The following ONECUT2 variants were observed in gnomAD, a reference collection of about 807,000 sequenced individuals.
ONECUT2 encodes the protein one cut domain family member 2.
Under a neutral mutation model 27.9 loss-of-function variants are expected in ONECUT2, and 10 were observed. That is an observed-to-expected ratio of 0.36 (90% CI 0.22 to 0.61). ONECUT2 has a LOEUF of 0.61. ONECUT2 is among the 20% of genes least tolerant of loss of function. The pLI is 0.73. For missense variants in ONECUT2, 686 were observed against 721.0 expected (o/e 0.95, Z 0.56); for synonymous variants, 334 against 315.1 (o/e 1.06, Z -0.64).
Position 57,436,962 on chromosome 18 carries a change from C to T in ONECUT2, c.1228+18C>T. 6.4e-7 allele frequency: 1 copy of T among 1,560,616 alleles called. No individual in the cohort carries two copies. The highest frequency in any genetic ancestry group is 8.7e-7 in the Non-Finnish European group (1 of 1,153,392). On this transcript the variant is annotated intron_variant, in intron 1 of 1. Coordinates refer to ENST00000491143, the MANE Select transcript of ONECUT2 (RefSeq NM_004852.3). The surrounding 1 kb of genome is among the most constrained non-coding windows in gnomAD (Gnocchi z 5.9). ...CCTGGCAGGTAAGGCCGGGGCTAGC[C>T]AGGGGCCAGGCTGCTGGGAAGAGGG...
At chr18:57,463,299 G>A (rs2050303211) in intron 1 of ONECUT2, among the ~76,000 whole-genome samples, 1 of 152,182 alleles carries the variant, frequency 6.6e-6, no homozygotes, top group Non-Finnish European at 1.5e-5. Context: ...GTCTGGAGTT[G>A]TATGTCCTTG....
chr18:57,439,801 G>A lies in ONECUT2; in HGVS notation c.1228+2857G>A, dbSNP rs1053959509. 1.9e-4 allele frequency among the ~76,000 whole-genome samples: 29 copies of A among 152,074 alleles called. 1 individual carries two copies. The highest frequency in any genetic ancestry group is 1.9e-3 in the Admixed American group (29 of 15,272). On this transcript the variant is annotated intron_variant, in intron 1 of 1. Transcript: ENST00000491143. ...AAGACACCGTCCCTGCCCCCCTCCC[G>A]CCAAACCTGCCTCTTCTCTTTCTCT...
intron 1 of ONECUT2, among the ~76,000 whole-genome samples, chr18:57,458,664 A>G (rs2122126081): frequency 6.6e-6 from 1 of 152,102 alleles, no homozygotes; most frequent in Non-Finnish European, 1.5e-5. Flanking sequence ...TGTTTGCATT[A>G]TTTGCTAAGC....
At chr18:57,438,825 TA>T (rs201857562) in intron 1 of ONECUT2, among the ~76,000 whole-genome samples, 7,825 of 152,274 alleles carry the variant, frequency 0.051, 370 homozygotes, top group South Asian at 0.13. Context: ...CGGGGCAAGA[TA>T]AAGCAGCCAG....
At chr18:57,463,908 T>C (rs2050306195) in intron 1 of ONECUT2, among the ~76,000 whole-genome samples, 2 of 152,178 alleles carry the variant, frequency 1.3e-5, no homozygotes. Flanking sequence ...ATGTTCATCT[T>C]GAAACTGGCC....
chr18:57,453,616 AG>A (rs1394865801), intron 1 of ONECUT2, among the ~76,000 whole-genome samples: 1 of 152,306 alleles, frequency 6.6e-6, no homozygotes, highest in Non-Finnish European at 1.5e-5. Context: ...ATGGTTTTGC[AG>A]GCTGGTTTAT....
chr18:57,436,116 T>A lies in ONECUT2; in HGVS notation c.400T>A (p.Ser134Thr), dbSNP rs532484976. 5 of 1,601,456 alleles carry A rather than the reference T, an allele frequency of 3.1e-6. No homozygotes were observed. In the African/African-American group the frequency reaches 6.7e-5, roughly 21 times the overall value. Reference sequence around the variant, plus strand: ...CCCGCTGCACCACGCCATGAGCATGTCCTGCGACTCGTCTCCGCCTGGCAT... The same window carrying A: ...CCCGCTGCACCACGCCATGAGCATGACCTGCGACTCGTCTCCGCCTGGCAT... ...SIPLHHAMSM[S>T]CDSSPPGMGM... The change falls in exon 1 of 2, where the codon TCC becomes ACC. Residue 134 changes from serine to threonine, a missense_variant. Around this residue, in one of 4 missense-constraint regions of ONECUT2, gnomAD observed 511 missense variants for 488.1 expected, o/e 1.05. Transcript: ENST00000491143. This position sits in a 1 kb window ranked among gnomAD's most constrained non-coding sequence, Gnocchi z 5.9.
intron 1 of ONECUT2, among the ~76,000 whole-genome samples, chr18:57,438,340 C>T (rs1032964860): frequency 1.3e-5 from 2 of 152,152 alleles, no homozygotes; most frequent in African/African-American, 2.4e-5. Context: ...GATCGGCGGG[C>T]GGTCTAGGGG....
At chr18:57,471,488 G>A (rs563521789) in intron 1 of ONECUT2, among the ~76,000 whole-genome samples, 15 of 152,328 alleles carry the variant, frequency 9.8e-5, no homozygotes, top group African/African-American at 3.4e-4. Flanking sequence ...CTCCTGAGGG[G>A]CAAAAATCCA....
At chr18:57,459,040 A>G (rs1362502425) in intron 1 of ONECUT2, among the ~76,000 whole-genome samples, 1 of 152,160 alleles carries the variant, frequency 6.6e-6, no homozygotes, top group African/African-American at 2.4e-5. Context: ...TCCTGTTCAT[A>G]TCCTTGTTTG....
chr18:57,455,762 G>A (rs1300760649), intron 1 of ONECUT2, among the ~76,000 whole-genome samples: 2 of 152,146 alleles, frequency 1.3e-5, no homozygotes, highest in Non-Finnish European at 2.9e-5. Flanking sequence ...CTCCGGAGGG[G>A]TCTAGGGAAA....
Position 57,462,723 on chromosome 18 carries a change from CTTTTTTTTTT to C in ONECUT2, c.1229-13698_1229-13689del, listed in dbSNP as rs57032206. Among the ~76,000 whole-genome samples, 139 of 69,008 alleles carry C rather than the reference CTTTTTTTTTT, an allele frequency of 2.0e-3. 1 individual carries two copies. The highest frequency in any genetic ancestry group is 8.0e-3 in the African/African-American group (134 of 16,846). 45.3% of individuals were successfully genotyped at this position (69,008 alleles called of 152,430 possible). ...AGAATTACCCTATGTTATTTTCTTT[CTTTTTTTTTT>C]TTTTTTTTTTTTTTTGAGACAGAGT... On this transcript the variant is annotated intron_variant, in intron 1 of 1. Transcript: ENST00000491143.
intron 1 of ONECUT2, among the ~76,000 whole-genome samples, chr18:57,457,759 T>C (rs987216865): frequency 1.2e-4 from 18 of 152,230 alleles, no homozygotes; most frequent in Non-Finnish European, 2.5e-4. Flanking sequence ...TAAGAAAATG[T>C]GACACATATA....
rs1360294305 is a variant in ONECUT2, at chr18:57,481,280, C to T, written c.*4557C>T. On this transcript the variant is annotated 3_prime_UTR_variant, in exon 2 of 2. Transcript: ENST00000491143. ...GCATAAAGGTGCAGGCTAGTTGAAC[C>T]AGGAAGCATGGCACTTCCTCTGGAG... 1.3e-5 allele frequency: 2 copies of T among 152,118 alleles called. No homozygotes were observed. Among genetic ancestry groups the T allele is most frequent in the African/African-American group, 2.4e-5 (1 of 41,416 alleles). The allele number at this position is 152,118 out of a possible 1,614,324, so 9.4% of individuals were successfully genotyped here. A position where few individuals can be genotyped will look rare whatever the true frequency, so the allele number is the denominator to read the frequency against.
At chr18:57,442,781 G>A (rs2050182728) in intron 1 of ONECUT2, among the ~76,000 whole-genome samples, 1 of 152,146 alleles carries the variant, frequency 6.6e-6, no homozygotes, top group African/African-American at 2.4e-5. Context: ...CTGGGCAAAG[G>A]ATAAACTGAT....
chr18:57,488,342 T>C lies in ONECUT2; in HGVS notation c.*11619T>C, dbSNP rs1198563728. 6.6e-6 allele frequency: 1 copy of C among 152,606 alleles called. No homozygotes were observed. The highest frequency in any genetic ancestry group is 1.9e-4 in the East Asian group (1 of 5,202). The allele number at this position is 152,606 out of a possible 1,614,324, so 9.5% of individuals were successfully genotyped here. On this transcript the variant is annotated 3_prime_UTR_variant, in exon 2 of 2. Transcript: ENST00000491143. The stretch of plus-strand genomic sequence containing the variant: ...ATTGATATTTGTTTCAGCAAAGTTT[T>C]CCTGACACTCACAAACCCACAAACT...
At chr18:57,471,592 A>G (rs1023582330) in intron 1 of ONECUT2, among the ~76,000 whole-genome samples, 12 of 152,236 alleles carry the variant, frequency 7.9e-5, no homozygotes, top group African/African-American at 2.9e-4. Context: ...CTGGGAACCC[A>G]GTGTTTTGAA....
In ONECUT2 at chr18:57,490,837, A is replaced by G. The variant is rs545880286; in HGVS notation, c.*14114A>G. On this transcript the variant is annotated 3_prime_UTR_variant, in exon 2 of 2. Transcript: ENST00000491143. ...CCCTTTGACATCACCTCTCATGTTTAAAATCAGGAAAACACACCCCTAAAA... is the reference window on the plus strand; with the variant it reads ...CCCTTTGACATCACCTCTCATGTTTGAAATCAGGAAAACACACCCCTAAAA... The G allele has an allele frequency of 3.5e-4, 53 of 152,784 alleles. No homozygotes were observed. Among genetic ancestry groups the G allele is most frequent in the African/African-American group, 1.2e-3 (50 of 41,586 alleles). 9.5% of individuals were successfully genotyped at this position (152,784 alleles called of 1,614,324 possible).
Position 57,435,781 on chromosome 18 carries a change from C to G in ONECUT2, c.65C>G (p.Pro22Arg), listed in dbSNP as rs781095849. 6 of 1,259,200 alleles carry G rather than the reference C, an allele frequency of 4.8e-6. No homozygotes were observed. The highest frequency in any genetic ancestry group is 6.2e-6 in the Non-Finnish European group (6 of 967,292). 78.0% of individuals were successfully genotyped at this position (1,259,200 alleles called of 1,614,324 possible). ...TKDLEGCAMN[P>R]ELTMESLGTL... ...GACCTAGAAGGCTGCGCCATGAACC[C>G]GGAGCTGACAATGGAAAGTCTGGGC... The change falls in exon 1 of 2, where the codon CCG becomes CGG. Residue 22 changes from proline to arginine, a missense_variant. This residue lies in a region of ONECUT2 where 511 missense variants were observed against 488.1 expected (regional missense o/e 1.05). Transcript: ENST00000491143.
Sources: gnomAD v4.1 joint callset for allele counts (sites outside exome capture counted in the v4.1 genomes callset) on GRCh38, gnomAD v4.1.1 for gene constraint, gnomAD v4.1.1 regional missense constraint, Gnocchi (gnomAD v3.1) non-coding constraint, MANE v1.5 for transcripts, NCBI Gene and HGNC (gene_info 2026-07-23, HGNC 2026-07-21) for gene names.